FSTL4: variants seen among roughly 807,000 people sequenced by gnomAD.
The protein encoded by FSTL4 is follistatin-related protein 4.
Under a neutral mutation model 78.2 loss-of-function variants are expected in FSTL4, and 28 were observed. That is an observed-to-expected ratio of 0.36 (90% CI 0.27 to 0.49). FSTL4 has a LOEUF of 0.49. Ranked by LOEUF, FSTL4 falls within the 20% of genes least tolerant of loss-of-function variation. FSTL4 has a pLI of 0.98. For synonymous variants in FSTL4, 422 were observed against 440.5 expected (o/e 0.96, Z 0.53); for missense variants, 922 against 1,084.9 (o/e 0.85, Z 2.11).
At chr5:133,684,646 C>G in the FSTL4 span, among the ~76,000 whole-genome samples, 1 of 152,170 alleles carries the variant, frequency 6.6e-6, no homozygotes, top group Non-Finnish European at 1.5e-5. Flanking sequence ...AGGGACTCAT[C>G]ATTGAGATAT....
At chr5:133,782,300 G>A in the FSTL4 span, among the ~76,000 whole-genome samples, 1 of 152,206 alleles carries the variant, frequency 6.6e-6, no homozygotes, top group Non-Finnish European at 1.5e-5. Context: ...TATGTACTGG[G>A]CCACTACAGA....
the FSTL4 span, among the ~76,000 whole-genome samples, chr5:133,719,803 A>C: frequency 6.6e-6 from 1 of 151,854 alleles, no homozygotes; most frequent in African/African-American, 2.4e-5. Flanking sequence ...ATTTTCAGTT[A>C]TTTTTATAAA....
chr5:133,294,080 TC>T (rs1266255384), intron 6 of FSTL4, among the ~76,000 whole-genome samples: 1 of 152,174 alleles, frequency 6.6e-6, no homozygotes, highest in African/African-American at 2.4e-5. Context: ...CATCGTGCCC[TC>T]CTTTGTGAAG....
chr5:133,241,417 G>A (rs888389663), intron 7 of FSTL4, among the ~76,000 whole-genome samples: 9 of 152,194 alleles, frequency 5.9e-5, no homozygotes, highest in East Asian at 1.9e-4. Flanking sequence ...TTGAAATTGC[G>A]TATAGGGACA....
intron 3 of FSTL4, among the ~76,000 whole-genome samples, chr5:133,512,165 G>A (rs764223083): frequency 6.6e-6 from 1 of 152,258 alleles, no homozygotes. Flanking sequence ...GCATCACCCT[G>A]CCTCGCCACA....
chr5:133,246,828 G>A (rs893649266), intron 7 of FSTL4: 2 of 152,220 alleles, frequency 1.3e-5, no homozygotes, highest in African/African-American at 4.8e-5. Flanking sequence ...AATGATGACA[G>A]TGATAATAGC....
intron 3 of FSTL4, among the ~76,000 whole-genome samples, chr5:133,518,751 C>G (rs35320788): frequency 0.03 from 4,558 of 152,188 alleles, 122 homozygotes; most frequent in Middle Eastern, 0.078. Context: ...AGATACATGC[C>G]AATGGTAATG....
Position 133,213,025 on chromosome 5 carries a change from T to C in FSTL4, c.1609-2727A>G, listed in dbSNP as rs1006147742. ...ATAGAAAGTAAAGATTTTTTTTTTT[T>C]TTTTTGAGACGGAGTCTCCCTTTGT... On this transcript the variant is annotated intron_variant, in intron 13 of 15. Coordinates refer to ENST00000265342, the MANE Select transcript of FSTL4 (RefSeq NM_015082.2). Among the ~76,000 whole-genome samples the C allele has an allele frequency of 4.6e-5, 7 of 152,128 alleles. No individual in the cohort carries two copies. In the East Asian group the frequency reaches 7.7e-4, roughly 17 times the overall value.
At chr5:133,257,446 G>A (rs1338630356) in intron 6 of FSTL4, among the ~76,000 whole-genome samples, 3 of 152,198 alleles carry the variant, frequency 2.0e-5, no homozygotes, top group Non-Finnish European at 4.4e-5. Flanking sequence ...CTGTGCAGGG[G>A]CAGGGTTACC....
chr5:133,396,689 A>G (rs1225975911), intron 4 of FSTL4, among the ~76,000 whole-genome samples: 1 of 152,236 alleles, frequency 6.6e-6, no homozygotes, highest in African/African-American at 2.4e-5. Context: ...TAAAGTAACA[A>G]GACTCAGAGT....
intron 4 of FSTL4, among the ~76,000 whole-genome samples, chr5:133,322,293 CCCCACACACACCCACACCCACACA>C (rs1469286588): frequency 7.0e-5 from 3 of 42,660 alleles, no homozygotes; most frequent in African/African-American, 2.0e-4. Context: ...ACACACACAC[CCCCACACACACCCACACCCACACA>C]CCCACACACA....
the FSTL4 span, among the ~76,000 whole-genome samples, chr5:133,621,332 G>A: frequency 1.3e-5 from 2 of 152,158 alleles, no homozygotes; most frequent in Non-Finnish European, 2.9e-5. Context: ...CCCGGGAGGT[G>A]GAGCTTGCAG....
chr5:133,753,592 G>T, the FSTL4 span, among the ~76,000 whole-genome samples: 1 of 152,068 alleles, frequency 6.6e-6, no homozygotes, highest in Non-Finnish European at 1.5e-5. Flanking sequence ...CTGGACACAT[G>T]GTTCCAGCCA....
chr5:133,375,543 T>C (rs1358396868), intron 4 of FSTL4, among the ~76,000 whole-genome samples: 2 of 152,060 alleles, frequency 1.3e-5, no homozygotes, highest in Non-Finnish European at 2.9e-5. Flanking sequence ...CTCATGCTAG[T>C]TCCCCATTGT....
rs759084421 is a variant in FSTL4, at chr5:133,249,438, AGGGTGAGCCC to A, written c.856_865del (p.Gly286Ter). 1 of 1,614,042 alleles carries A rather than the reference AGGGTGAGCCC, an allele frequency of 6.2e-7. No homozygotes were observed. Among genetic ancestry groups the A allele is most frequent in the Non-Finnish European group, 8.5e-7 (1 of 1,179,934 alleles). ...GATGTCTTCCAAGTCCAGGAAGTTC[AGGGTGAGCCC>A]GTTGCGCTTCCAGATGATTGGTGGC... On this transcript the variant is annotated frameshift_variant, in exon 7 of 16. Transcript: ENST00000265342. LOFTEE classifies it high-confidence loss of function.
chr5:133,476,831 C>T (rs563889751), intron 3 of FSTL4, among the ~76,000 whole-genome samples: 1 of 152,272 alleles, frequency 6.6e-6, no homozygotes, highest in African/African-American at 2.4e-5. Context: ...ACTCATTGAG[C>T]CATCTTTATA....
At chr5:133,664,195 A>T in the FSTL4 span, among the ~76,000 whole-genome samples, 1 of 152,150 alleles carries the variant, frequency 6.6e-6, no homozygotes, top group African/African-American at 2.4e-5. Context: ...CAAGGAGGCA[A>T]TCAGGGGACC....
chr5:133,567,763 C>A (rs1760059550), intron 2 of FSTL4, among the ~76,000 whole-genome samples: 1 of 152,192 alleles, frequency 6.6e-6, no homozygotes, highest in African/African-American at 2.4e-5. Flanking sequence ...CAGTTCATGC[C>A]ACTGGACTAA....
intron 3 of FSTL4, among the ~76,000 whole-genome samples, chr5:133,507,578 A>G (rs57291925): frequency 0.14 from 21,041 of 148,648 alleles, 2,548 homozygotes; most frequent in African/African-American, 0.34. Context: ...GCTGGAGTGC[A>G]GTGGCATGAT....
Sources: gnomAD v4.1 joint callset for allele counts (sites outside exome capture counted in the v4.1 genomes callset) on GRCh38, gnomAD v4.1.1 for gene constraint, MANE v1.5 for transcripts, NCBI Gene and HGNC (gene_info 2026-07-23, HGNC 2026-07-21) for gene names.